Variants in TRHDE observed in about 807,000 individuals in gnomAD.
TRHDE encodes thyrotropin releasing hormone degrading enzyme, also known as thyrotropin-releasing hormone-degrading ectoenzyme.
In TRHDE, 72 loss-of-function variants were observed where a neutral mutation model predicts 125.7. The ratio of observed to expected loss-of-function variants is 0.57; its 90% CI spans 0.47 to 0.70. TRHDE has a LOEUF of 0.70. Among genes scored for constraint, TRHDE ranks in the 30% least tolerant of loss-of-function variants. The pLI is 0.00. For synonymous variants in TRHDE, 509 were observed against 509.1 expected (o/e 1.00, Z 0.00); for missense variants, 1,110 against 1,327.1 (o/e 0.84, Z 2.54).
At chr12:72,449,545 A>C (rs1270537262) in intron 3 of TRHDE, among the ~76,000 whole-genome samples, 1 of 151,932 alleles carries the variant, frequency 6.6e-6, no homozygotes, top group African/African-American at 2.4e-5. Flanking sequence ...AGAAAGATAG[A>C]TGGCTTAGGC....
intron 3 of TRHDE, among the ~76,000 whole-genome samples, chr12:72,443,706 G>A (rs1425331563): frequency 1.3e-5 from 2 of 151,610 alleles, no homozygotes; most frequent in Non-Finnish European, 3.0e-5. Flanking sequence ...CATTTTGTTT[G>A]GCTGCTGCTA....
At chr12:72,473,305 T>C in intron 5 of TRHDE, 125 bp downstream of exon 5, 5 of 636,206 alleles carry the variant, frequency 7.9e-6, no homozygotes, top group Non-Finnish European at 1.3e-5. Context: ...CAATAAAGTG[T>C]AACCAAAAAT....
At chr12:72,464,260 A>C (rs1199685721) in intron 3 of TRHDE, among the ~76,000 whole-genome samples, 1 of 152,194 alleles carries the variant, frequency 6.6e-6, no homozygotes, top group Non-Finnish European at 1.5e-5. Flanking sequence ...GTAGTAGAGT[A>C]AGTGTCTTAG....
At chr12:72,578,826 A>T (rs1035783046) in intron 12 of TRHDE, among the ~76,000 whole-genome samples, 4 of 152,196 alleles carry the variant, frequency 2.6e-5, no homozygotes, top group Non-Finnish European at 4.4e-5. Flanking sequence ...ATTTGCCTGA[A>T]TGCATTCTAA....
intron 2 of TRHDE, among the ~76,000 whole-genome samples, chr12:72,109,259 G>A (rs1037128563): frequency 8.6e-5 from 13 of 151,948 alleles, no homozygotes; most frequent in Non-Finnish European, 1.3e-4. Flanking sequence ...ATCCTGTTAC[G>A]TCTAAAGCTT....
Position 72,648,288 on chromosome 12 carries a change from C to T in TRHDE, c.2676-4034C>T, listed in dbSNP as rs560134076. Among the ~76,000 whole-genome samples, 5 of 152,174 alleles carry T rather than the reference C, an allele frequency of 3.3e-5. No individual in the cohort carries two copies. The South Asian group carries it at 1.0e-3, about 32-fold the overall frequency. On this transcript the variant is annotated intron_variant, in intron 15 of 18. Transcript: ENST00000261180. ...CCATATATGAAAAGCCTGCAATTAA[C>T]ATTATACTCAATGGTGAAAAATTGA...
At chr12:72,442,026 A>G (rs1262012719) in intron 3 of TRHDE, among the ~76,000 whole-genome samples, 1 of 151,754 alleles carries the variant, frequency 6.6e-6, no homozygotes, top group Non-Finnish European at 1.5e-5. Context: ...ATTCTCTGTA[A>G]TGCTTGAGCT....
chr12:72,131,867 A>AG (rs1875874487), intron 2 of TRHDE, among the ~76,000 whole-genome samples: 1 of 152,206 alleles, frequency 6.6e-6, no homozygotes. Context: ...CAAGGCAAGG[A>AG]GGGGAAGCAT....
At chr12:72,529,558 C>G (rs755267112) in intron 6 of TRHDE, among the ~76,000 whole-genome samples, 8 of 152,044 alleles carry the variant, frequency 5.3e-5, no homozygotes, top group Non-Finnish European at 7.4e-5. Flanking sequence ...TAAATCCATC[C>G]CCCTATTCAC....
intron 2 of TRHDE, among the ~76,000 whole-genome samples, chr12:72,319,989 AC>A (rs34685723): frequency 0.61 from 93,232 of 151,850 alleles, 29,472 homozygotes; most frequent in Non-Finnish European, 0.7. Context: ...TAATTATGGT[AC>A]TGATAATACT....
chr12:72,578,965 C>T (rs1484095036), intron 12 of TRHDE, among the ~76,000 whole-genome samples: 1 of 145,800 alleles, frequency 6.9e-6, no homozygotes, highest in Admixed American at 6.9e-5. Context: ...TTTTTCTTTA[C>T]ACTTTCTTAC....
intron 3 of TRHDE, among the ~76,000 whole-genome samples, chr12:72,430,195 A>C (rs1384996373): frequency 1.3e-5 from 2 of 149,554 alleles, no homozygotes; most frequent in Non-Finnish European, 3.0e-5. Context: ...AATGTAAGAA[A>C]ATCCAACTTC....
chr12:72,491,562 C>T (rs952868594), intron 5 of TRHDE, among the ~76,000 whole-genome samples: 2 of 151,780 alleles, frequency 1.3e-5, no homozygotes, highest in South Asian at 2.1e-4. Flanking sequence ...TGAGACATGA[C>T]GCATTCAGCT....
intron 2 of TRHDE, among the ~76,000 whole-genome samples, chr12:72,356,585 G>A (rs1241530078): frequency 1.3e-5 from 2 of 151,542 alleles, no homozygotes; most frequent in African/African-American, 4.8e-5. Context: ...AAAAGTGGAT[G>A]TAGAGGGGAA....
chr12:72,661,180 T>G (rs1252666756), intron 18 of TRHDE, among the ~76,000 whole-genome samples: 1 of 152,184 alleles, frequency 6.6e-6, no homozygotes, highest in East Asian at 1.9e-4. Context: ...TGTTGAGAGT[T>G]CTTTTGCAGG....
intron 15 of TRHDE, among the ~76,000 whole-genome samples, chr12:72,640,829 GAATT>G (rs1271336295): frequency 1.3e-5 from 2 of 152,228 alleles, no homozygotes; most frequent in South Asian, 4.2e-4. Context: ...TCCTTCAAAT[GAATT>G]AATTAATTAT....
intron 1 of TRHDE, among the ~76,000 whole-genome samples, chr12:72,105,389 T>C (rs970253336): frequency 6.6e-6 from 1 of 152,010 alleles, no homozygotes; most frequent in African/African-American, 2.4e-5. Context: ...TGCAGGGCAA[T>C]GGGAAGAGTG....
chr12:72,649,856 A>T (rs950852781), intron 15 of TRHDE, among the ~76,000 whole-genome samples: 2 of 152,186 alleles, frequency 1.3e-5, no homozygotes, highest in East Asian at 3.9e-4. Context: ...CAGGATAGCT[A>T]TTATCAAAAA....
intron 1 of TRHDE, among the ~76,000 whole-genome samples, chr12:72,099,423 G>A (rs1875015442): frequency 1.3e-5 from 2 of 152,054 alleles, no homozygotes; most frequent in African/African-American, 2.4e-5. Context: ...GAATCTTTAG[G>A]TATAAAGACT....
Sources: gnomAD v4.1 joint callset for allele counts (sites outside exome capture counted in the v4.1 genomes callset) on GRCh38, gnomAD v4.1.1 for gene constraint, MANE v1.5 for transcripts, NCBI Gene and HGNC (gene_info 2026-07-23, HGNC 2026-07-21) for gene names.